Variants in DLG2 observed in about 807,000 individuals in gnomAD.
DLG2 encodes discs large MAGUK scaffold protein 2.
In DLG2, 45 loss-of-function variants were observed where a neutral mutation model predicts 132.5. The observed-to-expected ratio is 0.34, with a 90% confidence interval of 0.27 to 0.44. The LOEUF is 0.44. DLG2 is among the 20% of genes least tolerant of loss of function. The probability of loss-of-function intolerance (pLI) is 1.00; values close to 1 mark genes in which losing one functional copy is unlikely to be tolerated. For synonymous variants in DLG2, 424 were observed against 419.6 expected, an observed-to-expected ratio of 1.01 and a Z score of -0.13; for missense variants, 1,045 against 1,196.9, an observed-to-expected ratio of 0.87 and a Z score of 1.87.
At chr11:84,916,170 C>A (rs2092444220) in intron 6 of DLG2, among the ~76,000 whole-genome samples, 2 of 151,070 alleles carry the variant, frequency 1.3e-5, no homozygotes, top group South Asian at 4.2e-4. Flanking sequence ...ACGGTGAAAC[C>A]CCGTCTCTAC....
At chr11:85,016,107 C>T (rs1045146712) in intron 6 of DLG2, among the ~76,000 whole-genome samples, 1 of 152,022 alleles carries the variant, frequency 6.6e-6, no homozygotes, top group Non-Finnish European at 1.5e-5. Context: ...GTTGCTCCTA[C>T]TGAAATTAAG....
intron 3 of DLG2, among the ~76,000 whole-genome samples, chr11:85,540,886 CGAG>C (rs1462423893): frequency 6.6e-6 from 1 of 152,232 alleles, no homozygotes; most frequent in African/African-American, 2.4e-5. Context: ...GCACGCCCTG[CGAG>C]GAGGATAAGA....
intron 6 of DLG2, among the ~76,000 whole-genome samples, chr11:84,992,905 C>T (rs1218591579): frequency 6.6e-6 from 1 of 152,118 alleles, no homozygotes; most frequent in African/African-American, 2.4e-5. Flanking sequence ...TACCATTTGA[C>T]TCAGCAATCC....
At chr11:84,642,829 C>A (rs1398322978) in intron 6 of DLG2, among the ~76,000 whole-genome samples, 1 of 146,442 alleles carries the variant, frequency 6.8e-6, no homozygotes, top group African/African-American at 2.7e-5. Flanking sequence ...AGAAATGACA[C>A]AAAGAAAAGA....
At chr11:84,540,379 A>G (rs2099365413) in intron 6 of DLG2, among the ~76,000 whole-genome samples, 2 of 150,776 alleles carry the variant, frequency 1.3e-5, no homozygotes, top group Admixed American at 6.6e-5. Context: ...AAAAGTGGGC[A>G]AAGGATATGA....
At chr11:84,433,946 A>T (rs1184836443) in intron 7 of DLG2, among the ~76,000 whole-genome samples, 3 of 151,954 alleles carry the variant, frequency 2.0e-5, no homozygotes, top group Non-Finnish European at 2.9e-5. Context: ...GGGAAACCTC[A>T]TCTCTACAAA....
At chr11:83,657,794 C>T (rs1406114636) in intron 18 of DLG2, among the ~76,000 whole-genome samples, 1 of 152,156 alleles carries the variant, frequency 6.6e-6, no homozygotes, top group Non-Finnish European at 1.5e-5. Context: ...CCCGCCTTGG[C>T]CTCCCAAAGT....
intron 7 of DLG2, among the ~76,000 whole-genome samples, chr11:84,515,192 A>G (rs1298051894): frequency 6.6e-6 from 1 of 151,742 alleles, no homozygotes; most frequent in Non-Finnish European, 1.5e-5. Context: ...GGCAGTGAGG[A>G]GTCCTTATCT....
At chr11:84,353,065 T>A (rs539559796) in intron 7 of DLG2, among the ~76,000 whole-genome samples, 4 of 152,290 alleles carry the variant, frequency 2.6e-5, no homozygotes, top group African/African-American at 9.6e-5. Context: ...TTTCAATATA[T>A]TTTCTCTCCA....
rs557566968 is a variant in DLG2, at chr11:84,901,242, G to A, written c.357+210419C>T. ...CAACAATCTTCAGTGGGAGCAACTA[G>A]AGTAGTAGTCATTGAGAATCTTCTT... On this transcript the variant is annotated intron_variant, in intron 6 of 27. Coordinates refer to ENST00000376104, the MANE Select transcript of DLG2 (RefSeq NM_001142699.3). Among the ~76,000 whole-genome samples, 8 of 152,176 alleles carry A rather than the reference G, an allele frequency of 5.3e-5. No homozygotes were observed. The South Asian group carries it at 1.5e-3, about 28-fold the overall frequency.
At chr11:85,162,104 C>T (rs1218539720) in intron 4 of DLG2, among the ~76,000 whole-genome samples, 2 of 152,266 alleles carry the variant, frequency 1.3e-5, no homozygotes, top group East Asian at 1.9e-4. Context: ...TGGGCTCCTC[C>T]CACTTTTAAG....
At chr11:83,906,359 A>T (rs1342514408) in intron 15 of DLG2, among the ~76,000 whole-genome samples, 1 of 147,330 alleles carries the variant, frequency 6.8e-6, no homozygotes, top group East Asian at 2.0e-4. Flanking sequence ...AGCACCAGCC[A>T]CCACACCTGG....
intron 6 of DLG2, among the ~76,000 whole-genome samples, chr11:84,947,691 G>C (rs568801797): frequency 6.6e-6 from 1 of 152,104 alleles, no homozygotes; most frequent in Non-Finnish European, 1.5e-5. Context: ...TATTTGAGTG[G>C]TCTTCATTTA....
chr11:84,055,098 C>G (rs953836204), intron 11 of DLG2, among the ~76,000 whole-genome samples: 2 of 151,960 alleles, frequency 1.3e-5, no homozygotes, highest in Non-Finnish European at 2.9e-5. Context: ...CAGACCTTCT[C>G]CAGTTCTGCT....
At chr11:85,410,684 T>C (rs2089230309) in intron 3 of DLG2, among the ~76,000 whole-genome samples, 3 of 151,780 alleles carry the variant, frequency 2.0e-5, no homozygotes. Flanking sequence ...ACGCTGAAAA[T>C]GTGCATATTT....
At chr11:85,133,674 T>A (rs1205277473) in intron 5 of DLG2, among the ~76,000 whole-genome samples, 4 of 152,194 alleles carry the variant, frequency 2.6e-5, no homozygotes, top group South Asian at 2.1e-4. Flanking sequence ...GGGAGGAGGT[T>A]CTAAAGTGTT....
chr11:83,519,971 T>A (rs1293900572), intron 21 of DLG2, among the ~76,000 whole-genome samples: 2 of 152,194 alleles, frequency 1.3e-5, no homozygotes, highest in African/African-American at 2.4e-5. Context: ...TCATTCACAT[T>A]TACCTCATGC....
chr11:84,709,605 A>G (rs1434826775), intron 6 of DLG2, among the ~76,000 whole-genome samples: 6 of 151,706 alleles, frequency 4.0e-5, no homozygotes, highest in Admixed American at 3.9e-4. Context: ...GCAGTGCCAA[A>G]CTCTACCCTC....
chr11:84,980,253 A>C (rs2055541967), intron 6 of DLG2, among the ~76,000 whole-genome samples: 1 of 152,186 alleles, frequency 6.6e-6, no homozygotes, highest in African/African-American at 2.4e-5. Flanking sequence ...ATGGAGTATT[A>C]ATACAATAAG....
Sources: gnomAD v4.1 joint callset for allele counts (sites outside exome capture counted in the v4.1 genomes callset) on GRCh38, gnomAD v4.1.1 for gene constraint, MANE v1.5 for transcripts, NCBI Gene and HGNC (gene_info 2026-07-23, HGNC 2026-07-21) for gene names.